LRRTM4: variants seen among roughly 807,000 people sequenced by gnomAD.
The protein encoded by LRRTM4 is leucine-rich repeat transmembrane neuronal protein 4.
LRRTM4 carries 25 observed loss-of-function variants against 47.6 expected under a neutral mutation model. That is an observed-to-expected ratio of 0.53 (90% confidence interval 0.38 to 0.73). LRRTM4 has a LOEUF of 0.73. Among genes scored for constraint, LRRTM4 ranks in the 30% least tolerant of loss-of-function variants. The pLI, the probability that LRRTM4 is intolerant of heterozygous loss-of-function variation, is 0.00. For missense variants in LRRTM4, 638 were observed against 713.4 expected, an observed-to-expected ratio of 0.89 and a Z score of 1.20; for synonymous variants, 311 against 269.5, an observed-to-expected ratio of 1.15 and a Z score of -1.51.
intron 3 of LRRTM4, among the ~76,000 whole-genome samples, chr2:77,299,952 A>G (rs1168928806): frequency 1.3e-5 from 2 of 151,018 alleles, no homozygotes; most frequent in African/African-American, 2.4e-5. Context: ...CCCAGGTTCA[A>G]ACGATTCTCC....
intron 3 of LRRTM4, among the ~76,000 whole-genome samples, chr2:77,459,757 AG>A (rs1473848460): frequency 4.3e-4 from 46 of 106,626 alleles, no homozygotes; most frequent in Non-Finnish European, 7.4e-4. Context: ...AACTGGTTTT[AG>A]CAAAAAAAAA....
intron 3 of LRRTM4, among the ~76,000 whole-genome samples, chr2:76,856,921 T>C (rs1251398154): frequency 6.6e-6 from 1 of 152,134 alleles, no homozygotes; most frequent in African/African-American, 2.4e-5. Context: ...AACATGTATT[T>C]CTTCTGTCGC....
At chr2:76,990,191 A>T (rs1676953689) in intron 3 of LRRTM4, among the ~76,000 whole-genome samples, 3 of 151,742 alleles carry the variant, frequency 2.0e-5, no homozygotes, top group Non-Finnish European at 4.4e-5. Flanking sequence ...TTTTGTTTCC[A>T]CCTATGAAAA....
At chr2:77,307,054 C>T (rs939040653) in intron 3 of LRRTM4, among the ~76,000 whole-genome samples, 29 of 151,682 alleles carry the variant, frequency 1.9e-4, no homozygotes, top group Admixed American at 9.2e-4. Flanking sequence ...CGCCCACCAC[C>T]ACGCCCGGCT....
chr2:76,938,262 A>T (rs932520151), intron 3 of LRRTM4, among the ~76,000 whole-genome samples: 3 of 152,184 alleles, frequency 2.0e-5, no homozygotes, highest in African/African-American at 7.2e-5. Flanking sequence ...TTAATCAAAA[A>T]TGCATCATTT....
intron 3 of LRRTM4, among the ~76,000 whole-genome samples, chr2:77,107,065 T>C (rs1277697097): frequency 6.6e-6 from 1 of 152,078 alleles, no homozygotes; most frequent in Non-Finnish European, 1.5e-5. Context: ...CTGCATCACA[T>C]CTTGAAAGAT....
chr2:77,428,154 T>G (rs1403263414), intron 3 of LRRTM4, among the ~76,000 whole-genome samples: 1 of 152,166 alleles, frequency 6.6e-6, no homozygotes, highest in South Asian at 2.1e-4. Flanking sequence ...TCTGTCATGA[T>G]TGTAAGTTTC....
intron 3 of LRRTM4, among the ~76,000 whole-genome samples, chr2:76,784,850 G>C (rs1674587920): frequency 6.6e-6 from 1 of 151,970 alleles, no homozygotes; most frequent in African/African-American, 2.4e-5. Flanking sequence ...GAAACTAACT[G>C]TTCAGCCCAG....
At chr2:76,784,234 A>G (rs1310964715) in intron 3 of LRRTM4, among the ~76,000 whole-genome samples, 3 of 152,112 alleles carry the variant, frequency 2.0e-5, no homozygotes, top group Non-Finnish European at 4.4e-5. Context: ...TTTATTAAAT[A>G]CATTATTCAG....
intron 3 of LRRTM4, among the ~76,000 whole-genome samples, chr2:77,195,457 T>C (rs890263844): frequency 1.1e-4 from 17 of 152,186 alleles, no homozygotes; most frequent in African/African-American, 3.6e-4. Flanking sequence ...CTTTAACAAG[T>C]AGGAAAACTT....
chr2:77,388,045 G>A (rs187689993), intron 3 of LRRTM4, among the ~76,000 whole-genome samples: 26 of 152,050 alleles, frequency 1.7e-4, no homozygotes, highest in African/African-American at 6.3e-4. Context: ...GTGTGGACTA[G>A]AGGAAAGTCT....
At chr2:77,084,622 A>T (rs1277577285) in intron 3 of LRRTM4, among the ~76,000 whole-genome samples, 2 of 152,206 alleles carry the variant, frequency 1.3e-5, no homozygotes, top group Non-Finnish European at 2.9e-5. Flanking sequence ...ATAGCTCTGT[A>T]GCTTGACTGA....
chr2:77,081,105 T>C (rs1192361793), intron 3 of LRRTM4, among the ~76,000 whole-genome samples: 2 of 152,284 alleles, frequency 1.3e-5, no homozygotes, highest in Admixed American at 1.3e-4. Flanking sequence ...CTCATTGCCT[T>C]TGGTTTTCTG....
chr2:77,197,415 T>C (rs1156857822), intron 3 of LRRTM4, among the ~76,000 whole-genome samples: 1 of 152,150 alleles, frequency 6.6e-6, no homozygotes, highest in Non-Finnish European at 1.5e-5. Flanking sequence ...TATTTTCCCA[T>C]ATATCTGTAT....
At chr2:77,047,743 G>A (rs1179719125) in intron 3 of LRRTM4, among the ~76,000 whole-genome samples, 1 of 151,958 alleles carries the variant, frequency 6.6e-6, no homozygotes, top group African/African-American at 2.4e-5. Context: ...CATTCTGAGG[G>A]ACTGGGGATT....
intron 3 of LRRTM4, among the ~76,000 whole-genome samples, chr2:77,376,679 G>T (rs558646781): frequency 6.6e-6 from 1 of 151,848 alleles, no homozygotes. Context: ...AGGCTGCAGA[G>T]GTAAAGTGCT....
intron 3 of LRRTM4, among the ~76,000 whole-genome samples, chr2:76,832,084 T>C (rs924146945): frequency 6.6e-6 from 1 of 152,240 alleles, no homozygotes; most frequent in Non-Finnish European, 1.5e-5. Flanking sequence ...TAATTTAATG[T>C]AGGCTCCTAC....
intron 3 of LRRTM4, among the ~76,000 whole-genome samples, chr2:76,900,992 T>C (rs1000707685): frequency 1.3e-5 from 2 of 152,224 alleles, no homozygotes; most frequent in Non-Finnish European, 2.9e-5. Flanking sequence ...TAAATTCTCC[T>C]ATTCAAGGAA....
chr2:76,826,475 A>G (rs72819212), intron 3 of LRRTM4, among the ~76,000 whole-genome samples: 16,060 of 151,536 alleles, frequency 0.11, 1,082 homozygotes, highest in Non-Finnish European at 0.15. Flanking sequence ...CTCCCTAAGG[A>G]TTTAAGGATT....
Sources: allele counts gnomAD v4.1 joint callset (sites outside exome capture counted in the v4.1 genomes callset), GRCh38; gene constraint gnomAD v4.1.1; transcripts MANE v1.5; gene names NCBI Gene and HGNC (gene_info 2026-07-23, HGNC 2026-07-21).